PAGE2B: variants seen among roughly 807,000 people sequenced by gnomAD.
PAGE2B encodes putative G antigen family E member 3.
PAGE2B carries 5 observed loss-of-function variants against 7.6 expected under a neutral mutation model. The observed-to-expected ratio is 0.66, with a 90% CI of 0.34 to 1.38. PAGE2B has a LOEUF of 1.38. Among genes scored for constraint, PAGE2B ranks in the 40% most tolerant of loss-of-function variants. The pLI is 0.04. For missense variants in PAGE2B, 70 were observed against 78.4 expected (o/e 0.89, Z 0.41); for synonymous variants, 29 against 26.7 (o/e 1.09, Z -0.27).
chrX:55,044,798 G>A, the PAGE2B span: 2 of 111,715 alleles, frequency 1.8e-5, no homozygotes, highest in Non-Finnish European at 3.8e-5. Context: ...TCATATGCAT[G>A]ACATTCATAA....
chrX:55,039,321 A>AG, the PAGE2B span, among the ~76,000 whole-genome samples: 1 of 111,431 alleles, frequency 9.0e-6, no homozygotes, highest in South Asian at 3.8e-4. Flanking sequence ...GATGGACAGA[A>AG]GTGAATGGAA....
At chrX:55,047,894 C>G in the PAGE2B span, among the ~76,000 whole-genome samples, 1 of 111,936 alleles carries the variant, frequency 8.9e-6, no homozygotes. Flanking sequence ...CTTGCCCAAT[C>G]CTATGTCCTG....
the PAGE2B span, among the ~76,000 whole-genome samples, chrX:55,036,837 T>C: frequency 9.1e-6 from 1 of 110,089 alleles, no homozygotes; most frequent in Non-Finnish European, 1.9e-5. Flanking sequence ...CTGGGAAAAC[T>C]GGCTAGCCAT....
chrX:55,066,247 C>A, the PAGE2B span, among the ~76,000 whole-genome samples: 3 of 111,452 alleles, frequency 2.7e-5, no homozygotes, highest in African/African-American at 9.8e-5. Flanking sequence ...TGTGCCATCA[C>A]GTGCAGCTAA....
chrX:55,038,339 T>C, the PAGE2B span, among the ~76,000 whole-genome samples: 44 of 112,196 alleles, frequency 3.9e-4, no homozygotes, highest in African/African-American at 1.1e-3. Context: ...ACCCATCCTA[T>C]ATGAGTTGGC....
chrX:55,047,817 G>T, the PAGE2B span, among the ~76,000 whole-genome samples: 742 of 111,796 alleles, frequency 6.6e-3, 5 homozygotes, highest in African/African-American at 0.022. Flanking sequence ...CTCTTTAGTT[G>T]AATTAGATCC....
chrX:55,069,656 G>A, the PAGE2B span, among the ~76,000 whole-genome samples: 1 of 111,579 alleles, frequency 9.0e-6, no homozygotes, highest in Non-Finnish European at 1.9e-5. Context: ...GAATTCGGCT[G>A]TGAATCCATC....
chrX:55,074,472 G>A (rs947884769), upstream of PAGE2B, among the ~76,000 whole-genome samples: 2 of 112,227 alleles, frequency 1.8e-5, no homozygotes. Flanking sequence ...GAGTGGGGAT[G>A]TAGGTGATGA....
At chrX:55,062,974 G>A in the PAGE2B span, among the ~76,000 whole-genome samples, 1 of 111,259 alleles carries the variant, frequency 9.0e-6, no homozygotes, top group Non-Finnish European at 1.9e-5. Flanking sequence ...CTGTTTTTAT[G>A]CCAGTACTGT....
upstream of PAGE2B, among the ~76,000 whole-genome samples, chrX:55,071,027 A>T (rs1936443619): frequency 8.9e-6 from 1 of 111,991 alleles, no homozygotes; most frequent in Admixed American, 9.5e-5. Context: ...CATTTAGCCC[A>T]TTTACATTTA....
At chrX:55,037,568 T>G in the PAGE2B span, among the ~76,000 whole-genome samples, 1 of 111,216 alleles carries the variant, frequency 9.0e-6, no homozygotes, top group Admixed American at 9.6e-5. Context: ...ACCCAAAGGA[T>G]TATAAATGAT....
rs187596826 is a variant in PAGE2B, at chrX:55,075,269, C to T, written c.-9+155C>T. Among the ~76,000 whole-genome samples, 729 of 111,756 alleles carry T rather than the reference C, an allele frequency of 6.5e-3. 4 individuals carry two copies. Among genetic ancestry groups the T allele is most frequent in the African/African-American group, 0.022 (688 of 30,757 alleles). The stretch of plus-strand genomic sequence containing the variant: ...CGGCCCCTCCCAGGTCGGGATGCCA[C>T]CGTGGGACTTGTCGTCGTGGCTGGG... On this transcript the variant is annotated intron_variant, in intron 1 of 4. Transcript: ENST00000374971.
the PAGE2B span, among the ~76,000 whole-genome samples, chrX:55,041,796 A>T: frequency 5.4e-4 from 60 of 111,696 alleles, no homozygotes; most frequent in African/African-American, 1.8e-3. Context: ...CTCAGACACC[A>T]GCTTCCCATC....
the PAGE2B span, among the ~76,000 whole-genome samples, chrX:55,052,323 C>G: frequency 9.2e-4 from 103 of 112,547 alleles, no homozygotes; most frequent in African/African-American, 3.2e-3. Context: ...AGAACCACTA[C>G]TCTCTTCAAA....
At chrX:55,034,544 CAG>C in the PAGE2B span, among the ~76,000 whole-genome samples, 2 of 110,565 alleles carry the variant, frequency 1.8e-5, no homozygotes, top group Non-Finnish European at 3.8e-5. Flanking sequence ...TTTCACCCCT[CAG>C]AGTGTTATAA....
At chrX:55,037,838 G>T in the PAGE2B span, among the ~76,000 whole-genome samples, 1 of 99,188 alleles carries the variant, frequency 1.0e-5, no homozygotes, top group Non-Finnish European at 2.0e-5. Flanking sequence ...ACTCATAGGT[G>T]GGAATTGAAC....
At chrX:55,074,164 T>TC (rs1936477824), upstream of PAGE2B, among the ~76,000 whole-genome samples, 1 of 111,913 alleles carries the variant, frequency 8.9e-6, no homozygotes, top group African/African-American at 3.3e-5. Flanking sequence ...GGCTTTTTTT[T>TC]GATAGAGAGA....
chrX:55,070,405 T>G (rs1420101488), upstream of PAGE2B, among the ~76,000 whole-genome samples: 1 of 112,184 alleles, frequency 8.9e-6, no homozygotes, highest in African/African-American at 3.2e-5. Flanking sequence ...GAGAGACTGT[T>G]TGTTATATCT....
the PAGE2B span, among the ~76,000 whole-genome samples, chrX:55,063,122 C>T: frequency 9.0e-6 from 1 of 110,901 alleles, no homozygotes. Context: ...GAGTTTTTTT[C>T]TATTTATATG....
Sources: allele counts gnomAD v4.1 joint callset (sites outside exome capture counted in the v4.1 genomes callset), GRCh38; gene constraint gnomAD v4.1.1; transcripts MANE v1.5; gene names NCBI Gene and HGNC (gene_info 2026-07-23, HGNC 2026-07-21).